SULF2: variants seen among roughly 807,000 people sequenced by gnomAD.
The protein encoded by SULF2 is extracellular sulfatase Sulf-2.
Under a neutral mutation model 107.7 loss-of-function variants are expected in SULF2, and 52 were observed. That is an observed-to-expected ratio of 0.48 (90% CI 0.39 to 0.61). SULF2 has a LOEUF of 0.61. Ranked by LOEUF, SULF2 falls within the 20% of genes least tolerant of loss-of-function variation. The pLI is 0.00. For synonymous variants in SULF2, 460 were observed against 464.3 expected (o/e 0.99, Z 0.12); for missense variants, 993 against 1,177.3 (o/e 0.84, Z 2.29).
At position 47,677,134 on chromosome 20, in the gene SULF2, C is replaced by G. The variant is rs1412879769; in HGVS notation, c.1194G>C (p.Arg398=). The G allele has an allele frequency of 8.7e-6, 14 of 1,613,304 alleles. No homozygotes were observed. The highest frequency in any genetic ancestry group is 3.3e-4 in the Middle Eastern group (2 of 6,084). Reference sequence around the variant, plus strand: ...CCCTCATCTTCTTTTTCAAGTGAAACCTGGAAAAAAGCACGGCTCCTGCTT... The same window carrying G: ...CCCTCATCTTCTTTTTCAAGTGAAAGCTGGAAAAAAGCACGGCTCCTGCTT... ...KLLDTERPVN[R]FHLKKKMRVW... Residue 398 remains arginine (R), a splice_region_variant and synonymous_variant, in exon 9 of 21, where the codon CGG becomes CGC. Coordinates refer to ENST00000688720, the MANE Select transcript of SULF2 (RefSeq NM_001387048.1).
At chr20:47,697,345 G>C (rs995406611) in intron 4 of SULF2, among the ~76,000 whole-genome samples, 1 of 152,236 alleles carries the variant, frequency 6.6e-6, no homozygotes, top group South Asian at 2.1e-4. Flanking sequence ...AGAGTCCTCA[G>C]AGGCCTTCTG....
At chr20:47,785,758 C>T (rs1045407319), upstream of SULF2, 2 of 148,070 alleles carry the variant, frequency 1.4e-5, no homozygotes, top group African/African-American at 4.9e-5. Flanking sequence ...CCGGGAGCCG[C>T]GGACGGCTGG....
At chr20:47,749,263 A>G (rs1490827476) in intron 2 of SULF2, among the ~76,000 whole-genome samples, 1 of 152,202 alleles carries the variant, frequency 6.6e-6, no homozygotes, top group Non-Finnish European at 1.5e-5. Context: ...TGTTTAAGCC[A>G]CTGTTATTTT....
At chr20:47,728,979 T>G (rs1220995218) in intron 3 of SULF2, among the ~76,000 whole-genome samples, 1 of 152,120 alleles carries the variant, frequency 6.6e-6, no homozygotes, top group African/African-American at 2.4e-5. Flanking sequence ...AGACAATCAA[T>G]GAGACAAATG....
intron 1 of SULF2, among the ~76,000 whole-genome samples, chr20:47,773,494 C>T (rs1340201304): frequency 5.3e-5 from 8 of 152,236 alleles, no homozygotes; most frequent in Admixed American, 5.2e-4. Flanking sequence ...CAGCCGAGCA[C>T]GGCAGTGTGG....
chr20:47,759,912 G>A (rs2090381436), intron 1 of SULF2, among the ~76,000 whole-genome samples: 1 of 152,210 alleles, frequency 6.6e-6, no homozygotes, highest in Non-Finnish European at 1.5e-5. Context: ...CCCCACTAGG[G>A]GGTCAGCTCC....
chr20:47,673,098 T>C (rs560031803), intron 10 of SULF2, among the ~76,000 whole-genome samples: 1 of 152,352 alleles, frequency 6.6e-6, no homozygotes, highest in African/African-American at 2.4e-5. Flanking sequence ...AAATCTCTCG[T>C]GTTGATCCTT....
At chr20:47,668,526 G>T (rs545723178) in intron 11 of SULF2, among the ~76,000 whole-genome samples, 6 of 152,294 alleles carry the variant, frequency 3.9e-5, no homozygotes, top group African/African-American at 1.4e-4. Flanking sequence ...TTCATAACCC[G>T]GCGGCCAAGA....
At chr20:47,663,045 T>C (rs760310650) in intron 17 of SULF2, 25 bp downstream of exon 17, 1 of 1,613,840 alleles carries the variant, frequency 6.2e-7, no homozygotes, top group South Asian at 1.1e-5. Flanking sequence ...CACACCCCCA[T>C]CCCTCTAGCT....
At chr20:47,763,298 CT>C (rs1441579718) in intron 1 of SULF2, among the ~76,000 whole-genome samples, 2 of 149,746 alleles carry the variant, frequency 1.3e-5, no homozygotes, top group Admixed American at 1.3e-4. Context: ...ATTTTTAGTT[CT>C]CAATTTCTCT....
chr20:47,681,612 C>T (rs1271813941), intron 7 of SULF2, among the ~76,000 whole-genome samples: 7 of 152,174 alleles, frequency 4.6e-5, no homozygotes, highest in African/African-American at 7.2e-5. Context: ...TTAACCTCTC[C>T]GTGCCTCAGT....
At chr20:47,693,616 G>A (rs2146554032) in intron 4 of SULF2, among the ~76,000 whole-genome samples, 1 of 152,368 alleles carries the variant, frequency 6.6e-6, no homozygotes, top group East Asian at 1.9e-4. Flanking sequence ...GGTTGTGGAA[G>A]GATGTGTATG....
rs1429633621 is a variant in SULF2, at chr20:47,663,151, G to A, written c.2289C>T (p.Ile763=). The change falls in exon 17 of 21, where the codon ATC becomes ATT. Residue 763 remains isoleucine (I), a synonymous_variant. Coordinates refer to ENST00000688720, the MANE Select transcript of SULF2 (RefSeq NM_001387048.1). ...NNNTYWCMRT[I]NETHNFLFCE... The stretch of plus-strand genomic sequence containing the variant: ...AGAAGAGGAAATTGTGAGTCTCATT[G>A]ATGGTCCTCATGCACCAGTACGTGT... 1.2e-6 allele frequency: 2 copies of A among 1,614,060 alleles called. No individual in the cohort carries two copies. The highest frequency in any genetic ancestry group is 2.7e-5 in the African/African-American group (2 of 74,922).
At chr20:47,782,878 A>C (rs917648993) in intron 1 of SULF2, among the ~76,000 whole-genome samples, 4 of 152,136 alleles carry the variant, frequency 2.6e-5, no homozygotes, top group Admixed American at 2.0e-4. Context: ...GCAAAGTTTG[A>C]CTGTCTGAAG....
intron 2 of SULF2, among the ~76,000 whole-genome samples, chr20:47,745,389 A>G (rs1430712391): frequency 8.8e-5 from 1 of 11,408 alleles, no homozygotes. Context: ...AGGGAAAAAA[A>G]AAAAAAAAAA....
intron 3 of SULF2, among the ~76,000 whole-genome samples, chr20:47,726,313 C>T (rs907589903): frequency 6.6e-6 from 1 of 152,152 alleles, no homozygotes; most frequent in African/African-American, 2.4e-5. Context: ...TCAAGTGATC[C>T]TCCTGCCTCA....
chr20:47,672,001 C>A (rs11086220), intron 11 of SULF2, among the ~76,000 whole-genome samples, 197 bp downstream of exon 11: 1 of 152,052 alleles, frequency 6.6e-6, no homozygotes, highest in Non-Finnish European at 1.5e-5. Context: ...TGAGCCATTG[C>A]GCCTGGCCTT....
At chr20:47,676,761 G>C in intron 9 of SULF2, 138 bp from the exon 10 acceptor site, 3 of 1,024,788 alleles carry the variant, frequency 2.9e-6, no homozygotes, top group South Asian at 3.4e-5. Flanking sequence ...CCACCTGCCC[G>C]GGTCTTCTGA....
intron 3 of SULF2, among the ~76,000 whole-genome samples, chr20:47,728,296 CAA>C (rs1434162716): frequency 6.6e-6 from 1 of 152,130 alleles, no homozygotes; most frequent in Non-Finnish European, 1.5e-5. Context: ...AAGAGCCAAG[CAA>C]AGAGAAGGCT....
Sources: allele counts gnomAD v4.1 joint callset (sites outside exome capture counted in the v4.1 genomes callset), GRCh38; gene constraint gnomAD v4.1.1; transcripts MANE v1.5; gene names NCBI Gene and HGNC (gene_info 2026-07-23, HGNC 2026-07-21).